Variants in FCHSD2 observed in about 807,000 individuals in gnomAD.
FCHSD2 encodes FCH and double SH3 domains 2, also known as F-BAR and double SH3 domains protein 2.
FCHSD2 carries 38 observed loss-of-function variants against 108.1 expected under a neutral mutation model. The observed-to-expected ratio is 0.35, with a 90% CI of 0.27 to 0.46. The LOEUF (loss-of-function observed/expected upper bound fraction) is 0.46, where lower values mean the gene tolerates loss of function less well. Among genes scored for constraint, FCHSD2 ranks in the 20% least tolerant of loss-of-function variants. The pLI is 1.00. For synonymous variants in FCHSD2, 279 were observed against 314.7 expected (o/e 0.89, Z 1.20); for missense variants, 751 against 897.8 (o/e 0.84, Z 2.09).
intron 3 of FCHSD2, among the ~76,000 whole-genome samples, chr11:73,067,469 A>G (rs1295294043): frequency 2.0e-5 from 3 of 151,870 alleles, no homozygotes; most frequent in Middle Eastern, 6.8e-3. Context: ...CCCAGAACTT[A>G]AAGTATAATA....
At chr11:72,987,238 T>C (rs1056171400) in intron 6 of FCHSD2, among the ~76,000 whole-genome samples, 1 of 152,192 alleles carries the variant, frequency 6.6e-6, no homozygotes. Flanking sequence ...TTCCTCCTTA[T>C]CTCTACTTAG....
At chr11:73,050,041 A>G (rs1240698129) in intron 3 of FCHSD2, among the ~76,000 whole-genome samples, 2 of 152,240 alleles carry the variant, frequency 1.3e-5, no homozygotes, top group East Asian at 1.9e-4. Context: ...AGGCCTCTCT[A>G]TATAAGAAGT....
chr11:72,908,575 C>G (rs1164183078), intron 9 of FCHSD2, among the ~76,000 whole-genome samples: 1 of 152,156 alleles, frequency 6.6e-6, no homozygotes, highest in Non-Finnish European at 1.5e-5. Context: ...ATAAAAGCCA[C>G]CTGAACTAGG....
rs1008373651 is a variant in FCHSD2 at position 72,889,869 on chromosome 11, C to T, written c.1001G>A (p.Arg334His). The T allele has an allele frequency of 4.3e-6, 7 of 1,613,210 alleles. No individual in the cohort carries two copies. The highest frequency in any genetic ancestry group is 2.2e-5 in the East Asian group (1 of 44,896). ...LNKEARKWAT[R>H]VAREHKNIVH... The stretch of plus-strand genomic sequence containing the variant: ...AATGTTTTTATGCTCACGTGCCACA[C>T]GTGTGGCCCATTTTCGAGCTTCCTT... Residue 334 changes from arginine (R) to histidine (H), a missense_variant, in exon 11 of 20, where the codon CGT becomes CAT. Arg to His is a conservative substitution (Grantham distance 29). Transcript: ENST00000409418.
chr11:73,139,915 G>C, intron 2 of FCHSD2, 116 bp downstream of exon 2: 1 of 588,696 alleles, frequency 1.7e-6, no homozygotes, highest in Non-Finnish European at 2.9e-6. Context: ...AGTTCTAACA[G>C]CCTTAAAGCA....
intron 2 of FCHSD2, among the ~76,000 whole-genome samples, chr11:73,084,333 G>A (rs1185944610): frequency 1.3e-5 from 2 of 152,192 alleles, no homozygotes; most frequent in African/African-American, 2.4e-5. Flanking sequence ...GGTATGATGA[G>A]AGCACACTTT....
At chr11:72,978,659 T>C (rs543176931) in intron 8 of FCHSD2, among the ~76,000 whole-genome samples, 3 of 152,150 alleles carry the variant, frequency 2.0e-5, no homozygotes, top group Non-Finnish European at 4.4e-5. Context: ...GTGACTGAGT[T>C]CTCACGATAT....
At chr11:72,923,713 G>T (rs1281820845) in intron 8 of FCHSD2, among the ~76,000 whole-genome samples, 3 of 152,078 alleles carry the variant, frequency 2.0e-5, no homozygotes, top group Admixed American at 6.6e-5. Flanking sequence ...AGGCTGAGGT[G>T]GGCGGATCAA....
intron 8 of FCHSD2, among the ~76,000 whole-genome samples, chr11:72,930,054 T>C (rs1332878952): frequency 6.6e-6 from 1 of 152,164 alleles, no homozygotes; most frequent in Non-Finnish European, 1.5e-5. Context: ...ACCTTTATTA[T>C]GATGAAAAAA....
At chr11:73,126,198 G>A (rs1033853663) in intron 2 of FCHSD2, among the ~76,000 whole-genome samples, 1 of 151,704 alleles carries the variant, frequency 6.6e-6, no homozygotes, top group African/African-American at 2.4e-5. Context: ...AAATTAGCCA[G>A]GCATAGTCAT....
At chr11:72,884,742 T>A (rs990921126) in intron 12 of FCHSD2, among the ~76,000 whole-genome samples, 2 of 151,920 alleles carry the variant, frequency 1.3e-5, no homozygotes, top group African/African-American at 4.8e-5. Flanking sequence ...TACAGGCACA[T>A]GTTAGCATAC....
intron 10 of FCHSD2, chr11:72,900,232 C>A: frequency 2.3e-6 from 3 of 1,320,984 alleles, no homozygotes; most frequent in South Asian, 2.5e-5. Flanking sequence ...CCATCCCTCC[C>A]GCCCTTGACC....
At chr11:73,104,844 C>T (rs1485881929) in intron 2 of FCHSD2, among the ~76,000 whole-genome samples, 13 of 152,176 alleles carry the variant, frequency 8.5e-5, no homozygotes, top group Non-Finnish European at 1.9e-4. Context: ...AGGCCTGAGT[C>T]ACCGTGCCTG....
intron 10 of FCHSD2, chr11:72,900,234 C>T (rs1321213510): frequency 1.1e-5 from 15 of 1,408,702 alleles, no homozygotes; most frequent in Non-Finnish European, 1.2e-5. Context: ...ATCCCTCCCG[C>T]CCTTGACCCA....
At chr11:73,066,498 T>C (rs1303012780) in intron 3 of FCHSD2, among the ~76,000 whole-genome samples, 2 of 151,958 alleles carry the variant, frequency 1.3e-5, no homozygotes, top group Non-Finnish European at 2.9e-5. Context: ...ACTAATGGGA[T>C]CTAATTAAAC....
chr11:73,133,315 G>A (rs1351201630), intron 2 of FCHSD2, among the ~76,000 whole-genome samples: 1 of 152,122 alleles, frequency 6.6e-6, no homozygotes, highest in East Asian at 1.9e-4. Context: ...ACTTATACAT[G>A]AAATGTTCAT....
intron 13 of FCHSD2, among the ~76,000 whole-genome samples, chr11:72,857,138 A>G (rs1201435690): frequency 6.6e-6 from 1 of 152,184 alleles, no homozygotes; most frequent in Non-Finnish European, 1.5e-5. Context: ...CATGGAAGGC[A>G]GTAAGAAGGC....
At chr11:72,953,634 A>AT (rs1301388211) in intron 8 of FCHSD2, among the ~76,000 whole-genome samples, 1 of 151,762 alleles carries the variant, frequency 6.6e-6, no homozygotes, top group African/African-American at 2.4e-5. Context: ...GGGGGAAAAA[A>AT]AAAACACAAA....
chr11:72,996,442 A>C (rs1322218232), intron 5 of FCHSD2, among the ~76,000 whole-genome samples: 1 of 152,236 alleles, frequency 6.6e-6, no homozygotes, highest in Non-Finnish European at 1.5e-5. Context: ...TACGGACAAA[A>C]GTATGGTTAA....
Sources: allele counts gnomAD v4.1 joint callset (sites outside exome capture counted in the v4.1 genomes callset), GRCh38; gene constraint gnomAD v4.1.1; transcripts MANE v1.5; gene names NCBI Gene and HGNC (gene_info 2026-07-23, HGNC 2026-07-21).